The following GARNL3 variants were observed in gnomAD, a reference collection of about 807,000 sequenced individuals.
GARNL3 encodes GTPase-activating Rap/Ran-GAP domain-like protein 3.
Under a neutral mutation model 125.0 loss-of-function variants are expected in GARNL3, and 63 were observed. The ratio of observed to expected loss-of-function variants is 0.50; its 90% CI spans 0.41 to 0.62. The LOEUF (loss-of-function observed/expected upper bound fraction) is 0.62, where lower values mean the gene tolerates loss of function less well. Among genes scored for constraint, GARNL3 ranks in the 20% least tolerant of loss-of-function variants. The pLI, the probability that GARNL3 is intolerant of heterozygous loss-of-function variation, is 0.00. For synonymous variants in GARNL3, 439 were observed against 457.5 expected (o/e 0.96, Z 0.52); for missense variants, 994 against 1,244.0 (o/e 0.80, Z 3.02).
At position 127,283,272 on chromosome 9, in the gene GARNL3, G is replaced by T. The variant is rs556280532; in HGVS notation, c.145-7896G>T. ...TCCAATAGAACTTTCTACAATTATGGAAATATTTTTATCTGTGCTGTCCAG... is the reference window on the plus strand; with the variant it reads ...TCCAATAGAACTTTCTACAATTATGTAAATATTTTTATCTGTGCTGTCCAG... On this transcript the variant is annotated intron_variant, in intron 1 of 27. Transcript: ENST00000373387. Among the ~76,000 whole-genome samples the T allele has an allele frequency of 7.9e-5, 12 of 152,242 alleles. No individual in the cohort carries two copies. In the East Asian group the frequency reaches 9.6e-4, roughly 12 times the overall value.
At chr9:127,236,522 C>A (rs1033998912) in intron 1 of GARNL3, among the ~76,000 whole-genome samples, 1 of 152,214 alleles carries the variant, frequency 6.6e-6, no homozygotes, top group Admixed American at 6.5e-5. Flanking sequence ...GATCATAGCT[C>A]ACTGTAACTT....
chr9:127,303,604 A>G (rs934119293), intron 2 of GARNL3, among the ~76,000 whole-genome samples: 1 of 152,248 alleles, frequency 6.6e-6, no homozygotes, highest in South Asian at 2.1e-4. Flanking sequence ...TAACCTAGGA[A>G]CTGAAGTAAA....
At chr9:127,251,201 C>G (rs781161387) in intron 2 of GARNL3, among the ~76,000 whole-genome samples, 5 of 152,196 alleles carry the variant, frequency 3.3e-5, no homozygotes, top group Non-Finnish European at 7.3e-5. Flanking sequence ...AGTCAGCACT[C>G]ATTTTTGTAA....
chr9:127,299,556 TTTTTTGTTTTTG>T (rs949889842), intron 2 of GARNL3, among the ~76,000 whole-genome samples: 18 of 151,910 alleles, frequency 1.2e-4, no homozygotes, highest in South Asian at 4.2e-4. Context: ...CCTGGCTAAT[TTTTTTGTTTTTG>T]TTTTTGTTTT....
At chr9:127,292,616 A>G (rs549896690) in intron 2 of GARNL3, among the ~76,000 whole-genome samples, 1 of 152,310 alleles carries the variant, frequency 6.6e-6, no homozygotes, top group East Asian at 1.9e-4. Context: ...TTGCCACCCT[A>G]CGTAAGCACA....
chr9:127,355,935 A>T (rs1312143315), intron 20 of GARNL3, among the ~76,000 whole-genome samples: 1 of 152,172 alleles, frequency 6.6e-6, no homozygotes, highest in African/African-American at 2.4e-5. Flanking sequence ...TATGGGAGTG[A>T]GTGATGAGGG....
chr9:127,264,680 C>T (rs77639666), upstream of GARNL3: 23 of 1,203,506 alleles, frequency 1.9e-5, no homozygotes, highest in Admixed American at 4.4e-5. Context: ...AAATTTCAAT[C>T]GATTCCAAAT....
At chr9:127,317,586 G>C (rs564943333) in intron 4 of GARNL3, among the ~76,000 whole-genome samples, 156 of 152,044 alleles carry the variant, frequency 1.0e-3, no homozygotes, top group Non-Finnish European at 1.8e-3. Flanking sequence ...GCATGGTGGT[G>C]CATGCCTGTA....
chr9:127,344,290 C>T lies in GARNL3; in HGVS notation c.1307C>T (p.Ala436Val), dbSNP rs775129864. The T allele has an allele frequency of 8.1e-6, 13 of 1,613,930 alleles. No individual in the cohort carries two copies. The highest frequency in any genetic ancestry group is 6.7e-5 in the East Asian group (3 of 44,880). The change falls in exon 15 of 28, where the codon GCG (alanine) becomes GTG (valine). Residue 436 changes from alanine (A) to valine (V), a missense_variant. Transcript: ENST00000373387. ...GTCTTACCAGAGTCACCCAAGTCAG[C>T]GCGGAAGAAAGAGGAGGCCCGCCAG... ...SDVLPESPKS[A>V]RKKEEARQAE...
At chr9:127,324,583 T>C (rs1187859257) in intron 6 of GARNL3, among the ~76,000 whole-genome samples, 1 of 152,238 alleles carries the variant, frequency 6.6e-6, no homozygotes, top group Non-Finnish European at 1.5e-5. Context: ...TCTACTTTTT[T>C]AGAAGTTCTG....
intron 2 of GARNL3, among the ~76,000 whole-genome samples, chr9:127,246,955 G>C (rs1192272268): frequency 9.7e-6 from 1 of 103,102 alleles, no homozygotes; most frequent in Non-Finnish European, 1.9e-5. Flanking sequence ...TTTTTTTTGC[G>C]TCAATGTTAA....
intron 6 of GARNL3, among the ~76,000 whole-genome samples, chr9:127,323,193 A>T (rs2065455814): frequency 6.6e-6 from 1 of 152,202 alleles, no homozygotes. Context: ...AGCCAAAATT[A>T]TACTTTCTGG....
At chr9:127,253,318 G>C (rs2063438747) in intron 2 of GARNL3, among the ~76,000 whole-genome samples, 1 of 152,202 alleles carries the variant, frequency 6.6e-6, no homozygotes, top group Non-Finnish European at 1.5e-5. Context: ...AGATATTTGA[G>C]ATATTTGAAG....
chr9:127,320,590 G>T, intron 5 of GARNL3, 125 bp from the exon 6 acceptor site: 1 of 642,348 alleles, frequency 1.6e-6, no homozygotes, highest in South Asian at 2.0e-5. Flanking sequence ...TTTGTTCATT[G>T]ATAACTCATT....
chr9:127,298,108 T>C (rs1223500065), intron 2 of GARNL3, among the ~76,000 whole-genome samples: 1 of 152,194 alleles, frequency 6.6e-6, no homozygotes. Context: ...TGAAAATAAA[T>C]GTCTAAAATG....
At chr9:127,354,724 G>A (rs78726112) in intron 19 of GARNL3, among the ~76,000 whole-genome samples, 1,814 of 152,286 alleles carry the variant, frequency 0.012, 37 homozygotes, top group African/African-American at 0.041. Flanking sequence ...ATGTCATGTC[G>A]TAGGTATGAA....
chr9:127,278,844 C>T (rs938561150), intron 1 of GARNL3, among the ~76,000 whole-genome samples: 1 of 152,170 alleles, frequency 6.6e-6, no homozygotes. Context: ...CCTTAACCCC[C>T]TTTGGCTTGT....
intron 11 of GARNL3, 55 bp from the exon 12 acceptor site, chr9:127,338,061 A>G (rs1829649465): frequency 1.5e-6 from 2 of 1,314,480 alleles, no homozygotes; most frequent in South Asian, 2.4e-5. Flanking sequence ...TCAGAGCGCA[A>G]GCTGTCAGTC....
At chr9:127,226,609 G>C (rs1018617491) in intron 1 of GARNL3, among the ~76,000 whole-genome samples, 1 of 152,176 alleles carries the variant, frequency 6.6e-6, no homozygotes, top group African/African-American at 2.4e-5. Flanking sequence ...TCTCTACTTA[G>C]AATTTTCTTT....
Sources: gnomAD v4.1 joint callset for allele counts (sites outside exome capture counted in the v4.1 genomes callset) on GRCh38, gnomAD v4.1.1 for gene constraint, MANE v1.5 for transcripts, NCBI Gene and HGNC (gene_info 2026-07-23, HGNC 2026-07-21) for gene names.